The following AP3M2 variants were observed in gnomAD, a reference collection of about 807,000 sequenced individuals.
The protein encoded by AP3M2 is adaptor related protein complex 3 subunit mu 2.
AP3M2 carries 28 observed loss-of-function variants against 41.6 expected under a neutral mutation model. The observed-to-expected ratio is 0.67, with a 90% CI of 0.50 to 0.92. The LOEUF is 0.92. AP3M2 is among the 40% of genes least tolerant of loss of function. The pLI, the probability that AP3M2 is intolerant of heterozygous loss-of-function variation, is 0.00. For missense variants in AP3M2, 427 were observed against 521.4 expected (o/e 0.82, Z 1.76); for synonymous variants, 193 against 186.4 (o/e 1.04, Z -0.29).
rs1224000958 is a variant in AP3M2 at position 42,166,577 on chromosome 8, A to G, written c.804-587A>G. Among the ~76,000 whole-genome samples, 6 of 126,816 alleles carry G rather than the reference A, an allele frequency of 4.7e-5. No individual in the cohort carries two copies. In the East Asian group the frequency reaches 9.3e-4, roughly 20 times the overall value. 83.2% of individuals were successfully genotyped at this position (126,816 alleles called of 152,430 possible). A position where few individuals can be genotyped will look rare whatever the true frequency, so the allele number is the denominator to read the frequency against. ...CGAGACCAGCATGGGCAACATGGCC[A>G]AACCTTGTCTCTACAAAAAAAAAAA... On this transcript the variant is annotated intron_variant, in intron 6 of 8. Coordinates refer to ENST00000396926, the MANE Select transcript of AP3M2 (RefSeq NM_006803.4).
rs537990324 is a variant in AP3M2 at position 42,169,899 on chromosome 8, T to C, written c.*838T>C. 1 of 152,368 alleles carries C rather than the reference T, an allele frequency of 6.6e-6. No individual in the cohort carries two copies. Among genetic ancestry groups the C allele is most frequent in the Admixed American group, 6.5e-5 (1 of 15,300 alleles). 9.4% of individuals were successfully genotyped at this position (152,368 alleles called of 1,614,324 possible). On this transcript the variant is annotated 3_prime_UTR_variant, in exon 9 of 9. Coordinates refer to ENST00000396926, the MANE Select transcript of AP3M2 (RefSeq NM_006803.4). ...TCTAACCCAAAACAGTTCTACTCAC[T>C]TCCTTTTACAGAATTCACCGGCCAT... is the stretch of plus-strand genomic sequence containing the variant.
rs369061760 is a variant in AP3M2, at chr8:42,154,809, A to T, written c.122A>T (p.Glu41Val). 6.2e-7 allele frequency: 1 copy of T among 1,614,016 alleles called. No homozygotes were observed. The highest frequency in any genetic ancestry group is 1.3e-5 in the African/African-American group (1 of 74,902). Reference protein sequence around the residue: ...YFFEAQERATEAENVPPVIPT... With the variant: ...YFFEAQERATVAENVPPVIPT... ...TTTGAGGCGCAAGAGAGAGCTACTGAGGCAGAAAATGTGCCTCCGGTTATC... is the reference window on the plus strand; with the variant it reads ...TTTGAGGCGCAAGAGAGAGCTACTGTGGCAGAAAATGTGCCTCCGGTTATC... Residue 41 changes from glutamate to valine, a missense_variant, in exon 2 of 9, where the codon GAG (glutamate) becomes GTG (valine). Physicochemically the swap from Glu to Val is moderately radical, Grantham distance 121. Coordinates refer to ENST00000396926, the MANE Select transcript of AP3M2 (RefSeq NM_006803.4).
chr8:42,165,109 G>A lies in AP3M2; in HGVS notation c.622G>A (p.Ala208Thr). The A allele has an allele frequency of 1.9e-6, 3 of 1,614,090 alleles. No homozygotes were observed. The highest frequency in any genetic ancestry group is 2.5e-6 in the Non-Finnish European group (3 of 1,179,992). ...TGCTGAGATCCAGGGGGTGATTGAT[G>A]CCTGTGTCAAGCTGACTGGCATGCC... ...ITAEIQGVID[A>T]CVKLTGMPDL... The change falls in exon 5 of 9, where the codon GCC (alanine) becomes ACC (threonine). Residue 208 changes from alanine (A) to threonine (T), a missense_variant. Transcript: ENST00000396926.
At position 42,154,954 on chromosome 8, in the gene AP3M2, AT is replaced by A. The variant is rs1464175158; in HGVS notation, c.270del (p.Gln91ArgfsTer11). ...AGTTTCTTCACCGAGTGGTGGACAC[AT>A]TTCAGGTTCGTGAATGTGGGAAAGT... Reference protein sequence around the residue: ...IEFLHRVVDTFQDYFGVCSEP... With the variant: ...IEFLHRVVDTXQDYFGVCSEP... On this transcript the variant is annotated frameshift_variant, in exon 2 of 9. Coordinates refer to ENST00000396926, the MANE Select transcript of AP3M2 (RefSeq NM_006803.4). LOFTEE classifies it high-confidence loss of function. The A allele has an allele frequency of 1.9e-6, 3 of 1,612,772 alleles. No individual in the cohort carries two copies. Among genetic ancestry groups the A allele is most frequent in the Middle Eastern group, 3.3e-4 (2 of 6,080 alleles).
At position 42,167,749 on chromosome 8, in the gene AP3M2, C is replaced by T; in HGVS notation, c.1095C>T (p.Ser365=). The change falls in exon 8 of 9, where the codon TCC becomes TCT. Residue 365 remains serine, a synonymous_variant. Transcript: ENST00000396926. ...CCATGAGTCTTCAGGCTGGAGCTTC[C>T]AAACCAGATGAAAACCCCACAATTA... ...KGTMSLQAGA[S]KPDENPTINL... is the part of the protein sequence containing the mutation. 6.2e-7 allele frequency: 1 copy of T among 1,614,060 alleles called. No homozygotes were observed. Among genetic ancestry groups the T allele is most frequent in the Non-Finnish European group, 8.5e-7 (1 of 1,179,988 alleles).
chr8:42,155,033 G>A (rs1804320071), intron 2 of AP3M2, 73 bp downstream of exon 2: 1 of 1,270,856 alleles, frequency 7.9e-7, no homozygotes, highest in Non-Finnish European at 1.1e-6. Flanking sequence ...ATTGTGTAAA[G>A]CCTCCATTAA....
At chr8:42,165,389 A>G (rs1804611224) in intron 5 of AP3M2, 38 bp from the exon 6 acceptor site, 1 of 1,608,546 alleles carries the variant, frequency 6.2e-7, no homozygotes. Context: ...CGGGTGTTTA[A>G]TGCCCACTTC....
intron 2 of AP3M2, among the ~76,000 whole-genome samples, chr8:42,156,908 G>A (rs371519455): frequency 2.6e-5 from 4 of 152,208 alleles, no homozygotes; most frequent in Admixed American, 2.0e-4. Context: ...TTGCAGGGCT[G>A]TTATGTACAC....
rs1564115164 is a variant in AP3M2 at position 42,154,908 on chromosome 8, T to A, written c.221T>A (p.Val74Asp). The A allele has an allele frequency of 6.2e-7, 1 of 1,613,948 alleles. No individual in the cohort carries two copies. The highest frequency in any genetic ancestry group is 1.1e-5 in the South Asian group (1 of 91,054). ...IFFVAVIQTEVPPLFVIEFLH... is the reference protein window; with the variant it reads ...IFFVAVIQTEDPPLFVIEFLH... ...TTTGTGGCCGTGATCCAGACGGAGG[T>A]CCCCCCTCTGTTTGTCATTGAGTTT... Residue 74 changes from valine (V) to aspartate (D), a missense_variant, in exon 2 of 9, where the codon GTC becomes GAC. Coordinates refer to ENST00000396926, the MANE Select transcript of AP3M2 (RefSeq NM_006803.4).
At chr8:42,155,073 G>A (rs1804321852) in intron 2 of AP3M2, 113 bp downstream of exon 2, 1 of 882,642 alleles carries the variant, frequency 1.1e-6, no homozygotes, top group African/African-American at 1.7e-5. Flanking sequence ...CAAAACTCTG[G>A]TATTACTCAC....
At chr8:42,158,314 T>C (rs973206690) in intron 3 of AP3M2, among the ~76,000 whole-genome samples, 1 of 151,656 alleles carries the variant, frequency 6.6e-6, no homozygotes, top group African/African-American at 2.4e-5. Flanking sequence ...AGTGGCGTGA[T>C]CTTGGCTCAC....
At chr8:42,153,908 T>C (rs998966583) in intron 1 of AP3M2, 2 of 152,164 alleles carry the variant, frequency 1.3e-5, no homozygotes, top group South Asian at 4.1e-4. Context: ...CCACCAATTC[T>C]GGTGGGCAGA....
At chr8:42,166,051 GAGTC>G (rs986911926) in intron 6 of AP3M2, among the ~76,000 whole-genome samples, 1 of 152,216 alleles carries the variant, frequency 6.6e-6, no homozygotes, top group African/African-American at 2.4e-5. Flanking sequence ...AGACAGAAGA[GAGTC>G]AGGAGGCCTC....
rs563448827 is a variant in AP3M2, at chr8:42,158,171, C to T, written c.445+59C>T. On this transcript the variant is annotated intron_variant, in intron 3 of 8. Transcript: ENST00000396926. ...CATCCTACAGCCTGAGTGGCTTAGT[C>T]GAGTGTCGCACATTGTTTTGAGTGT... 5.8e-5 allele frequency: 89 copies of T among 1,540,266 alleles called. No individual in the cohort carries two copies. In the African/African-American group the frequency reaches 9.8e-4, roughly 17 times the overall value.
At position 42,154,744 on chromosome 8, in the gene AP3M2, T is replaced by G. The variant is rs1353847259; in HGVS notation, c.57T>G (p.His19Gln). The G allele has an allele frequency of 6.2e-7, 1 of 1,614,172 alleles. No individual in the cohort carries two copies. Among genetic ancestry groups the G allele is most frequent in the Non-Finnish European group, 8.5e-7 (1 of 1,180,032 alleles). Residue 19 changes from histidine (H) to glutamine (Q), a missense_variant, in exon 2 of 9, where the codon CAT (histidine) becomes CAG (glutamine). This residue lies in a region of AP3M2 where 104 missense variants were observed against 93.8 expected (regional missense o/e 1.11). Transcript: ENST00000396926. ...CTGGAGACATTTTCCTGGAGAAACA[T>G]TGGAAAAGTGTGGTCAGCCGTTCTG... ...NSSGDIFLEK[H>Q]WKSVVSRSVC...
Position 42,162,435 on chromosome 8 carries a change from T to G in AP3M2, c.583+17T>G, listed in dbSNP as rs756723772. The G allele has an allele frequency of 6.3e-6, 10 of 1,588,330 alleles. No individual in the cohort carries two copies. The highest frequency in any genetic ancestry group is 1.8e-5 in the Admixed American group (1 of 55,194). On this transcript the variant is annotated intron_variant, in intron 4 of 8. Transcript: ENST00000396926. The stretch of plus-strand genomic sequence containing the variant: ...ATAAATCAGGTAGGTGCTTTTAATA[T>G]GTTCTCAGAAATATGAAAATAGAAA...
intron 2 of AP3M2, among the ~76,000 whole-genome samples, chr8:42,155,274 C>G (rs1804326296): frequency 6.6e-6 from 1 of 152,150 alleles, no homozygotes; most frequent in African/African-American, 2.4e-5. Context: ...GCCTGGTGGT[C>G]TTGATCCTAA....
chr8:42,154,553 T>TG, intron 1 of AP3M2, 63 bp from the exon 2 acceptor site: 1 of 1,322,048 alleles, frequency 7.6e-7, no homozygotes, highest in Non-Finnish European at 1.0e-6. Flanking sequence ...CTTGGACTGT[T>TG]GGGAAAAGAT....
chr8:42,162,534 C>T (rs1804533556), intron 4 of AP3M2, 116 bp downstream of exon 4: 1 of 1,233,054 alleles, frequency 8.1e-7, no homozygotes, highest in East Asian at 2.4e-5. Flanking sequence ...AATTTAGTGC[C>T]TACTTTGTGC....
Sources: gnomAD v4.1 joint callset for allele counts (sites outside exome capture counted in the v4.1 genomes callset) on GRCh38, gnomAD v4.1.1 for gene constraint, gnomAD v4.1.1 regional missense constraint, MANE v1.5 for transcripts, NCBI Gene and HGNC (gene_info 2026-07-23, HGNC 2026-07-21) for gene names.